Variants in WDR27 observed in about 807,000 individuals in gnomAD.
WDR27 encodes the protein WD repeat domain 27.
Under a neutral mutation model 114.4 loss-of-function variants are expected in WDR27, and 100 were observed. The observed-to-expected ratio is 0.87, with a 90% confidence interval of 0.74 to 1.03. WDR27 has a LOEUF of 1.03. Ranked by LOEUF, WDR27 falls within the 50% of genes least tolerant of loss-of-function variation. WDR27 has a pLI of 0.00. For missense variants in WDR27, 1,129 were observed against 1,092.9 expected (o/e 1.03, Z -0.47); for synonymous variants, 449 against 423.1 (o/e 1.06, Z -0.75).
intron 25 of WDR27, among the ~76,000 whole-genome samples, chr6:169,542,144 G>A (rs752044324): frequency 3.3e-5 from 5 of 152,080 alleles, no homozygotes; most frequent in Non-Finnish European, 2.9e-5. Context: ...CAAAAATGCC[G>A]AATTTTATCA....
chr6:169,582,965 T>C, intron 23 of WDR27, 31 bp from the exon 24 acceptor site: 1 of 1,602,954 alleles, frequency 6.2e-7, no homozygotes, highest in South Asian at 1.1e-5. Flanking sequence ...GTGTGCCATG[T>C]TAACTCAGAG....
At chr6:169,570,600 G>A (rs9396972) in intron 25 of WDR27, among the ~76,000 whole-genome samples, 15,514 of 152,216 alleles carry the variant, frequency 0.1, 1,841 homozygotes, top group East Asian at 0.58. Context: ...AGGCCTAGGC[G>A]GGCGGATCAC....
chr6:169,523,297 A>C (rs959713941), intron 25 of WDR27, among the ~76,000 whole-genome samples: 2 of 152,110 alleles, frequency 1.3e-5, no homozygotes, highest in Non-Finnish European at 2.9e-5. Flanking sequence ...AGCTGTAATA[A>C]AAAGTATTCC....
chr6:169,625,955 G>A lies in WDR27; in HGVS notation c.2223+6992C>T, dbSNP rs574390113. ...AGAGAATGGCCCAGCCCAGCAGCCC[G>A]GGCTTCATGTGGGCGCCAAGCTTGA... On this transcript the variant is annotated intron_variant, in intron 21 of 25. Coordinates refer to ENST00000448612, the MANE Select transcript of WDR27 (RefSeq NM_182552.5). 1.0e-3 allele frequency among the ~76,000 whole-genome samples: 152 copies of A among 152,280 alleles called. 1 individual carries two copies. Among genetic ancestry groups the A allele is most frequent in the African/African-American group, 3.2e-3 (131 of 41,562 alleles).
intron 21 of WDR27, among the ~76,000 whole-genome samples, chr6:169,617,130 A>G (rs190117289): frequency 2.0e-5 from 3 of 152,272 alleles, no homozygotes; most frequent in African/African-American, 7.2e-5. Flanking sequence ...AAGATTAAAG[A>G]CACAGTCACA....
chr6:169,580,942 TATATATATATAC>T (rs1208193692), intron 24 of WDR27, among the ~76,000 whole-genome samples: 1 of 73,462 alleles, frequency 1.4e-5, no homozygotes, highest in South Asian at 6.1e-4. Context: ...TTTATATATA[TATATATATATAC>T]ATATATATAT....
intron 1 of WDR27, 187 bp from the exon 2 acceptor site, chr6:169,689,199 T>G (rs1294078589): frequency 2.2e-6 from 1 of 454,810 alleles, no homozygotes; most frequent in African/African-American, 2.0e-5. Context: ...TTCCACATTC[T>G]CAACTGCTCC....
intron 13 of WDR27, among the ~76,000 whole-genome samples, chr6:169,654,017 C>G (rs1333585393): frequency 6.6e-6 from 1 of 152,190 alleles, no homozygotes; most frequent in Non-Finnish European, 1.5e-5. Flanking sequence ...CAACGCAAAT[C>G]TCCTTTGAGA....
At chr6:169,557,899 G>A (rs993241598) in intron 25 of WDR27, among the ~76,000 whole-genome samples, 7 of 152,064 alleles carry the variant, frequency 4.6e-5, no homozygotes, top group Admixed American at 1.3e-4. Context: ...ACTGTACACT[G>A]TTTTAGACTT....
At chr6:169,499,237 A>G (rs1175025378) in intron 25 of WDR27, among the ~76,000 whole-genome samples, 1 of 152,228 alleles carries the variant, frequency 6.6e-6, no homozygotes, top group Non-Finnish European at 1.5e-5. Flanking sequence ...GTTCTCCCGG[A>G]GCCCAGCGTC....
chr6:169,536,899 AC>A (rs1796262602), intron 25 of WDR27, among the ~76,000 whole-genome samples: 1 of 152,120 alleles, frequency 6.6e-6, no homozygotes, highest in Non-Finnish European at 1.5e-5. Flanking sequence ...AGGTTATGAA[AC>A]ATCTCCATTT....
chr6:169,629,397 C>T (rs1241238686), intron 21 of WDR27, among the ~76,000 whole-genome samples: 1 of 151,430 alleles, frequency 6.6e-6, no homozygotes, highest in Non-Finnish European at 1.5e-5. Flanking sequence ...TGTCATAAAC[C>T]CCAGAAAGAA....
the WDR27 span, among the ~76,000 whole-genome samples, chr6:169,447,113 A>G: frequency 6.6e-6 from 1 of 152,256 alleles, no homozygotes; most frequent in Admixed American, 6.5e-5. Flanking sequence ...AAATTTTTCC[A>G]TAAGAAGATG....
Position 169,457,573 on chromosome 6 carries a change from C to A in WDR27, c.*19G>T. 1 of 1,548,634 alleles carries A rather than the reference C, an allele frequency of 6.5e-7. No individual in the cohort carries two copies. The highest frequency in any genetic ancestry group is 8.7e-7 in the Non-Finnish European group (1 of 1,145,326). ...TCACAGCATTCCTGGACCCAGCTCA[C>A]AGGTCAGTGGTTACTCAGCTAGAAA... On this transcript the variant is annotated 3_prime_UTR_variant, in exon 26 of 26. Coordinates refer to ENST00000448612, the MANE Select transcript of WDR27 (RefSeq NM_182552.5).
At chr6:169,592,655 G>A (rs1040720269) in intron 23 of WDR27, among the ~76,000 whole-genome samples, 1 of 152,082 alleles carries the variant, frequency 6.6e-6, no homozygotes, top group African/African-American at 2.4e-5. Context: ...GTTCTTTTCA[G>A]TGGTAATATC....
At chr6:169,601,364 A>C (rs1807943505) in intron 23 of WDR27, among the ~76,000 whole-genome samples, 1 of 152,238 alleles carries the variant, frequency 6.6e-6, no homozygotes, top group Admixed American at 6.5e-5. Context: ...CAGATTCATC[A>C]AATGAATCTT....
At chr6:169,624,642 A>G (rs1307372101) in intron 21 of WDR27, among the ~76,000 whole-genome samples, 3 of 152,216 alleles carry the variant, frequency 2.0e-5, no homozygotes, top group African/African-American at 7.2e-5. Flanking sequence ...AAACTTCATT[A>G]ATTTTCATAA....
chr6:169,499,586 C>G (rs1267728680), intron 25 of WDR27, among the ~76,000 whole-genome samples: 1 of 152,222 alleles, frequency 6.6e-6, no homozygotes, highest in African/African-American at 2.4e-5. Context: ...CCACCTAAGA[C>G]AGCCAGAAGA....
At chr6:169,444,410 C>A in the WDR27 span, among the ~76,000 whole-genome samples, 3 of 152,308 alleles carry the variant, frequency 2.0e-5, no homozygotes, top group East Asian at 3.9e-4. Context: ...AGCCCCGTGT[C>A]GGATGATTTC....
Sources: gnomAD v4.1 joint callset for allele counts (sites outside exome capture counted in the v4.1 genomes callset) on GRCh38, gnomAD v4.1.1 for gene constraint, MANE v1.5 for transcripts, NCBI Gene and HGNC (gene_info 2026-07-23, HGNC 2026-07-21) for gene names.